Variants in BTBD1 observed in about 807,000 individuals in gnomAD.
BTBD1 encodes the protein BTB/POZ domain-containing protein 1.
BTBD1 carries 34 observed loss-of-function variants against 48.0 expected under a neutral mutation model. The ratio of observed to expected loss-of-function variants is 0.71; its 90% CI spans 0.54 to 0.94. BTBD1 has a LOEUF of 0.94. BTBD1 is among the 40% of genes least tolerant of loss of function. The pLI is 0.00. For synonymous variants in BTBD1, 261 were observed against 242.1 expected (o/e 1.08, Z -0.72); for missense variants, 543 against 625.6 (o/e 0.87, Z 1.41).
In BTBD1 at chr15:83,050,190, A is replaced by T; in HGVS notation, c.559-12T>A. On this transcript the variant is annotated splice_polypyrimidine_tract_variant and intron_variant, in intron 2 of 7. Coordinates refer to ENST00000261721, the MANE Select transcript of BTBD1 (RefSeq NM_025238.4). The stretch of plus-strand genomic sequence containing the variant: ...TCAAATAATCGAGCCTAAACATATA[A>T]AGAGATAGTTATTTAACTTTCATAG... 1 of 1,551,976 alleles carries T rather than the reference A, an allele frequency of 6.4e-7. No individual in the cohort carries two copies. Among genetic ancestry groups the T allele is most frequent in the Non-Finnish European group, 8.9e-7 (1 of 1,126,946 alleles).
rs769208205 is a variant in BTBD1 at position 83,050,075 on chromosome 15, A to G, written c.662T>C (p.Ile221Thr). The change falls in exon 3 of 8, where the codon ATA becomes ACA. Residue 221 changes from isoleucine to threonine, a missense_variant and splice_region_variant. Physicochemically the swap from Ile to Thr is moderately conservative, Grantham distance 89. Around this residue, in one of 3 missense-constraint regions of BTBD1, gnomAD observed 300 missense variants for 350.0 expected, o/e 0.86. Coordinates refer to ENST00000261721, the MANE Select transcript of BTBD1 (RefSeq NM_025238.4). ...AATTTACTTCATAGCGAACTTACCT[A>G]TATCAATATCAGTAAACCCTTCTGC... ...ISAEGFTDID[I>T]DTLCAVLERD... 3.1e-6 allele frequency: 5 copies of G among 1,595,828 alleles called. No homozygotes were observed. Among genetic ancestry groups the G allele is most frequent in the East Asian group, 2.2e-5 (1 of 44,706 alleles).
chr15:83,051,469 A>T (rs960549429), intron 2 of BTBD1, among the ~76,000 whole-genome samples: 5 of 148,314 alleles, frequency 3.4e-5, no homozygotes, highest in African/African-American at 1.2e-4. Context: ...AGTATATTTT[A>T]AAAATTATAT....
chr15:83,041,633 G>GA (rs1457322290), intron 4 of BTBD1, 95 bp downstream of exon 4: 1 of 1,174,056 alleles, frequency 8.5e-7, no homozygotes, highest in Non-Finnish European at 1.3e-6. Context: ...TTGGCCTCTC[G>GA]AAAGTGCTGG....
At chr15:83,051,904 A>ACACACACACC (rs61375537) in intron 2 of BTBD1, among the ~76,000 whole-genome samples, 4 of 149,882 alleles carry the variant, frequency 2.7e-5, no homozygotes, top group Non-Finnish European at 5.9e-5. Flanking sequence ...ACACACACAC[A>ACACACACACC]TCTATCTGGG....
chr15:83,051,892 A>G (rs1287287756), intron 2 of BTBD1, among the ~76,000 whole-genome samples: 1 of 151,492 alleles, frequency 6.6e-6, no homozygotes, highest in Non-Finnish European at 1.5e-5. Flanking sequence ...ACACACACAC[A>G]CACACACACA....
intron 4 of BTBD1, among the ~76,000 whole-genome samples, chr15:83,041,258 G>T (rs1419599155): frequency 6.6e-6 from 1 of 151,720 alleles, no homozygotes; most frequent in Non-Finnish European, 1.5e-5. Flanking sequence ...ATACAATGTG[G>T]ATAATATAAT....
chr15:83,036,601 G>A (rs751710695), intron 4 of BTBD1, among the ~76,000 whole-genome samples: 9 of 152,124 alleles, frequency 5.9e-5, no homozygotes, highest in Non-Finnish European at 1.2e-4. Context: ...AAATGTTTAC[G>A]TATGTATACC....
chr15:83,059,137 T>A (rs181404270), intron 1 of BTBD1, among the ~76,000 whole-genome samples: 1,705 of 152,350 alleles, frequency 0.011, 20 homozygotes, highest in Non-Finnish European at 0.017. Flanking sequence ...AGGATTTTTT[T>A]AAAAACTCAT....
chr15:83,041,142 ACT>A (rs1310605793), intron 4 of BTBD1, among the ~76,000 whole-genome samples: 1 of 139,198 alleles, frequency 7.2e-6, no homozygotes, highest in East Asian at 2.0e-4. Flanking sequence ...ACAGAGGAAG[ACT>A]CTGTCTCAAA....
chr15:83,051,099 T>C (rs2032973190), intron 2 of BTBD1, among the ~76,000 whole-genome samples: 1 of 151,622 alleles, frequency 6.6e-6, no homozygotes, highest in Non-Finnish European at 1.5e-5. Context: ...TTTAAAAAGC[T>C]GAAACACTGA....
At chr15:83,036,104 A>C (rs1348827321) in intron 4 of BTBD1, among the ~76,000 whole-genome samples, 1 of 47,098 alleles carries the variant, frequency 2.1e-5, no homozygotes, top group Non-Finnish European at 4.7e-5. Context: ...TATCATTACC[A>C]AAAAAAAAAA....
intron 1 of BTBD1, among the ~76,000 whole-genome samples, chr15:83,064,796 G>A (rs1038322034): frequency 6.6e-6 from 1 of 152,052 alleles, no homozygotes; most frequent in Non-Finnish European, 1.5e-5. Flanking sequence ...AAATCCAAAT[G>A]AACTATACCC....
At chr15:83,026,040 A>G (rs2151300882) in intron 5 of BTBD1, among the ~76,000 whole-genome samples, 1 of 152,288 alleles carries the variant, frequency 6.6e-6, no homozygotes, top group East Asian at 1.9e-4. Flanking sequence ...AAGTGCTGGG[A>G]TTACAGGCAT....
intron 1 of BTBD1, 83 bp downstream of exon 1, chr15:83,066,668 C>A (rs1185990068): frequency 4.0e-6 from 5 of 1,262,636 alleles, no homozygotes; most frequent in Non-Finnish European, 5.0e-6. Context: ...ATCCGGGAGT[C>A]CGGGTAGGCC....
chr15:83,018,332 A>G, intron 7 of BTBD1, 107 bp from the exon 8 acceptor site: 1 of 972,328 alleles, frequency 1.0e-6, no homozygotes, highest in Non-Finnish European at 1.4e-6. Context: ...TATCATTCCT[A>G]TATAAAATTT....
chr15:83,041,648 A>G, intron 4 of BTBD1, 80 bp downstream of exon 4: 1 of 1,329,650 alleles, frequency 7.5e-7, no homozygotes, highest in Non-Finnish European at 1.1e-6. Flanking sequence ...TGCTGGGATT[A>G]TAGGTGTGAG....
At chr15:83,033,712 G>C (rs12102041) in intron 4 of BTBD1, among the ~76,000 whole-genome samples, 32,626 of 151,762 alleles carry the variant, frequency 0.21, 4,011 homozygotes, top group East Asian at 0.56. Flanking sequence ...CAGGTAGCTG[G>C]GACTACAGGT....
intron 5 of BTBD1, among the ~76,000 whole-genome samples, chr15:83,025,736 ATT>A (rs2032392148): frequency 6.6e-6 from 1 of 152,026 alleles, no homozygotes; most frequent in African/African-American, 2.4e-5. Context: ...TTACATTATA[ATT>A]TTTTTGTGGT....
intron 3 of BTBD1, among the ~76,000 whole-genome samples, chr15:83,049,655 T>C (rs1452294695): frequency 1.3e-5 from 2 of 152,180 alleles, no homozygotes; most frequent in Non-Finnish European, 2.9e-5. Context: ...TAAACTTGTG[T>C]CATCGGGGTT....
Sources: allele counts gnomAD v4.1 joint callset (sites outside exome capture counted in the v4.1 genomes callset), GRCh38; gene constraint gnomAD v4.1.1; regional missense constraint gnomAD v4.1.1; transcripts MANE v1.5; gene names NCBI Gene and HGNC (gene_info 2026-07-23, HGNC 2026-07-21).